Variants in SREBF1 observed in about 807,000 individuals in gnomAD.
SREBF1 encodes the protein sterol regulatory element-binding protein 1.
SREBF1 carries 45 observed loss-of-function variants against 100.1 expected under a neutral mutation model. The ratio of observed to expected loss-of-function variants is 0.45; its 90% CI spans 0.35 to 0.58. SREBF1 has a LOEUF of 0.58. SREBF1 is among the 20% of genes least tolerant of loss of function. The pLI is 0.00. For missense variants in SREBF1, 1,324 were observed against 1,539.4 expected, an observed-to-expected ratio of 0.86 and a Z score of 2.34; for synonymous variants, 657 against 681.8, an observed-to-expected ratio of 0.96 and a Z score of 0.57.
At chr17:17,818,949 G>A in intron 5 of SREBF1, 64 bp downstream of exon 5, 1 of 1,560,182 alleles carries the variant, frequency 6.4e-7, no homozygotes, top group South Asian at 1.1e-5. Context: ...CTTCCTTCCA[G>A]TTGCCCCTGA....
At position 17,819,643 on chromosome 17, in the gene SREBF1, G is replaced by A; in HGVS notation, c.606C>T (p.His202=). 6.2e-7 allele frequency: 1 copy of A among 1,612,662 alleles called. No individual in the cohort carries two copies. The highest frequency in any genetic ancestry group is 8.5e-7 in the Non-Finnish European group (1 of 1,179,212). The change falls in exon 3 of 19, where the codon CAC becomes CAT. Residue 202 remains histidine, a synonymous_variant. Coordinates refer to ENST00000261646, the MANE Select transcript of SREBF1 (RefSeq NM_004176.5). ...GGGGGACCACACTCTGGACCTGGGT[G>A]TGCAAGGAGACGGGCGGGACCCCTG... ...SPPGVPPVSL[H]TQVQSVVPQQ...
At chr17:17,835,641 T>C (rs1026170763) in intron 1 of SREBF1, among the ~76,000 whole-genome samples, 3 of 152,248 alleles carry the variant, frequency 2.0e-5, no homozygotes, top group Admixed American at 2.0e-4. Context: ...CTAGTGCTGC[T>C]AAAACTCCTG....
chr17:17,818,005 T>C (rs2033774158), intron 6 of SREBF1, 89 bp from the exon 7 acceptor site: 9 of 1,357,928 alleles, frequency 6.6e-6, no homozygotes, highest in Non-Finnish European at 8.3e-6. Context: ...TAGGGACTAC[T>C]GTAGCTCCTA....
chr17:17,812,589 G>GAGAC lies in SREBF1; in HGVS notation c.*29_*32dup, dbSNP rs1451222867. On this transcript the variant is annotated 3_prime_UTR_variant, in exon 19 of 19. Transcript: ENST00000261646. ...AAGCTGCACGGGACCAAAGTGGCTA[G>GAGAC]AGACAGGGGTGCTGAGGCCGGGGAC... 1 of 1,566,522 alleles carries GAGAC rather than the reference G, an allele frequency of 6.4e-7. No individual in the cohort carries two copies. The highest frequency in any genetic ancestry group is 1.4e-5 in the African/African-American group (1 of 73,914).
At chr17:17,836,201 AGG>A (rs2035214486) in intron 1 of SREBF1, among the ~76,000 whole-genome samples, 2 of 152,252 alleles carry the variant, frequency 1.3e-5, no homozygotes, top group African/African-American at 4.8e-5. Context: ...ATGAGTGCGG[AGG>A]CTGTGCCCGT....
Position 17,836,737 on chromosome 17 carries a change from G to T in SREBF1, c.81C>A (p.Thr27=), listed in dbSNP as rs763131303. 3 of 1,571,340 alleles carry T rather than the reference G, an allele frequency of 1.9e-6. No homozygotes were observed. The highest frequency in any genetic ancestry group is 2.6e-6 in the Non-Finnish European group (3 of 1,166,316). ...CCCGCCCTGACGCACCTTCGATGTC[G>T]GTCAGCAGCGCCGCGTCCAGATCGC... is the stretch of plus-strand genomic sequence containing the variant. ...EPCDLDAALL[T]DIEDMLQLIN... Residue 27 remains threonine, a synonymous_variant, in exon 1 of 19, where the codon ACC becomes ACA. Transcript: ENST00000261646.
rs528539884 is a variant in SREBF1 at position 17,813,306 on chromosome 17, C to A, written c.3214+62G>T. ...CACACAGCCTCCCTTGGTATCACAT[C>A]CCATGTGCGCCCTTCCCTGCTGAGC... On this transcript the variant is annotated intron_variant, in intron 18 of 18. Coordinates refer to ENST00000261646, the MANE Select transcript of SREBF1 (RefSeq NM_004176.5). 1.2e-4 allele frequency: 183 copies of A among 1,478,780 alleles called. No individual in the cohort carries two copies. In the African/African-American group the frequency reaches 1.6e-3, roughly 13 times the overall value. The allele number at this position is 1,478,780 out of a possible 1,614,324, so 91.6% of individuals were successfully genotyped here.
At chr17:17,830,902 C>T (rs934753017) in intron 1 of SREBF1, among the ~76,000 whole-genome samples, 4 of 152,222 alleles carry the variant, frequency 2.6e-5, no homozygotes, top group Non-Finnish European at 5.9e-5. Context: ...CCACATGGCC[C>T]GTGGCTGCTA....
intron 1 of SREBF1, among the ~76,000 whole-genome samples, chr17:17,832,489 C>T (rs1234920029): frequency 6.6e-6 from 1 of 152,190 alleles, no homozygotes; most frequent in Non-Finnish European, 1.5e-5. Context: ...GGCATTTCCA[C>T]CCCCAAATCT....
intron 1 of SREBF1, among the ~76,000 whole-genome samples, chr17:17,822,372 C>T (rs2034159779): frequency 6.6e-6 from 1 of 152,238 alleles, no homozygotes; most frequent in Admixed American, 6.5e-5. Flanking sequence ...CAAGTCCAGG[C>T]TTTGCCTGCA....
chr17:17,819,891 C>T, intron 2 of SREBF1, 166 bp from the exon 3 acceptor site: 2 of 1,203,410 alleles, frequency 1.7e-6, no homozygotes, highest in Non-Finnish European at 2.3e-6. Flanking sequence ...GGCTTCAAGC[C>T]AGGCCTCCAG....
intron 1 of SREBF1, chr17:17,823,369 C>T (rs1040063794): frequency 5.5e-5 from 40 of 728,396 alleles, no homozygotes; most frequent in Admixed American, 1.6e-4. Context: ...TCCACTTCCC[C>T]AGCGAGCTGG....
rs2033746647 is a variant in SREBF1, at chr17:17,817,707, C to G, written c.1393G>C (p.Glu465Gln). Reference sequence around the variant, plus strand: ...TGGCAGGGCCCAACCTTGCTGTCCTCAAAGACTGGGCTGTCAGGCTCCGAG... The same window carrying G: ...TGGCAGGGCCCAACCTTGCTGTCCTGAAAGACTGGGCTGTCAGGCTCCGAG... The part of the protein sequence containing the change: ...SDSEPDSPVF[E>Q]DSKAKPEQRP... Residue 465 changes from glutamate to glutamine, a missense_variant, in exon 7 of 19, where the codon GAG (glutamate) becomes CAG (glutamine). Transcript: ENST00000261646. The surrounding 1 kb of genome is among the most constrained non-coding windows in gnomAD (Gnocchi z 6.6). 2 of 1,613,218 alleles carry G rather than the reference C, an allele frequency of 1.2e-6. No homozygotes were observed. Among genetic ancestry groups the G allele is most frequent in the East Asian group, 4.5e-5 (2 of 44,870 alleles).
rs955996532 is a variant in SREBF1 at position 17,812,918 on chromosome 17, A to C, written c.3215-67T>G. The C allele has an allele frequency of 4.5e-5, 62 of 1,388,578 alleles. No homozygotes were observed. The African/African-American group carries it at 8.2e-4, about 18-fold the overall frequency. 86.0% of individuals were successfully genotyped at this position (1,388,578 alleles called of 1,614,324 possible). ...CCACGCCCCCGCGGGAGCCCTGCCC[A>C]CACACAAGCCACGGCACCAGCCGCC... On this transcript the variant is annotated intron_variant, in intron 18 of 18. Coordinates refer to ENST00000261646, the MANE Select transcript of SREBF1 (RefSeq NM_004176.5).
intron 17 of SREBF1, 35 bp from the exon 18 acceptor site, chr17:17,813,514 C>T (rs749479675): frequency 6.9e-5 from 109 of 1,588,730 alleles, no homozygotes; most frequent in Non-Finnish European, 8.8e-5. Context: ...CAGGGCTCTC[C>T]ATCTCCACCA....
At chr17:17,829,168 G>A (rs2034672680) in intron 1 of SREBF1, among the ~76,000 whole-genome samples, 2 of 137,078 alleles carry the variant, frequency 1.5e-5, no homozygotes, top group South Asian at 4.5e-4. Flanking sequence ...ACTCCAGCCT[G>A]GTGACAGAAC....
At position 17,816,625 on chromosome 17, in the gene SREBF1, G is replaced by C; in HGVS notation, c.1879C>G (p.Leu627Val). 6.2e-7 allele frequency: 1 copy of C among 1,603,952 alleles called. No individual in the cohort carries two copies. Among genetic ancestry groups the C allele is most frequent in the Admixed American group, 1.7e-5 (1 of 58,316 alleles). Reference sequence around the variant, plus strand: ...AGGTGACGGATGAGGTTCCAGAGGAGGCTACAAGCCAGGTCCAGGTGGGAG... The same window carrying C: ...AGGTGACGGATGAGGTTCCAGAGGACGCTACAAGCCAGGTCCAGGTGGGAG... ...PTSHLDLACS[L>V]LWNLIRHLLQ... The change falls in exon 10 of 19, where the codon CTC becomes GTC. Residue 627 changes from leucine to valine, a missense_variant. Transcript: ENST00000261646.
In SREBF1 at chr17:17,812,473, A is replaced by T; in HGVS notation, c.*149T>A. 2 of 834,150 alleles carry T rather than the reference A, an allele frequency of 2.4e-6. No individual in the cohort carries two copies. The highest frequency in any genetic ancestry group is 3.7e-6 in the Non-Finnish European group (2 of 541,676). The allele number at this position is 834,150 out of a possible 1,614,324, so 51.7% of individuals were successfully genotyped here. On this transcript the variant is annotated 3_prime_UTR_variant, in exon 19 of 19. Transcript: ENST00000261646. ...CAAGATCGCGCCCCTCGGGCCTTCC[A>T]CCGCGAAGGCACACAGCAGCCGCAG...
chr17:17,817,058 A>G lies in SREBF1; in HGVS notation c.1685T>C (p.Val562Ala). The change falls in exon 9 of 19, where the codon GTG (valine) becomes GCG (alanine). Residue 562 changes from valine (V) to alanine (A), a missense_variant. By Grantham distance (64) the Val-to-Ala change is moderately conservative (BLOSUM62 0). Coordinates refer to ENST00000261646, the MANE Select transcript of SREBF1 (RefSeq NM_004176.5). This position sits in a 1 kb window ranked among gnomAD's most constrained non-coding sequence, Gnocchi z 6.6. ...TGGCTCACCGTAGACAAAGAGAAGC[A>G]CCAAGGAGACGAGCACCAACAGCCC... is the stretch of plus-strand genomic sequence containing the variant. ...LNGLLVLVSL[V>A]LLFVYGEPVT... 6.2e-7 allele frequency: 1 copy of G among 1,613,126 alleles called. No homozygotes were observed. The highest frequency in any genetic ancestry group is 8.5e-7 in the Non-Finnish European group (1 of 1,180,010).
Sources: gnomAD v4.1 joint callset for allele counts (sites outside exome capture counted in the v4.1 genomes callset) on GRCh38, gnomAD v4.1.1 for gene constraint, Gnocchi (gnomAD v3.1) non-coding constraint, MANE v1.5 for transcripts, NCBI Gene and HGNC (gene_info 2026-07-23, HGNC 2026-07-21) for gene names.